TMED3: variants seen among roughly 807,000 people sequenced by gnomAD.
The protein encoded by TMED3 is transmembrane p24 trafficking protein 3, also known as transmembrane emp24 domain-containing protein 3.
In TMED3, 9 loss-of-function variants were observed where a neutral mutation model predicts 15.0. The observed-to-expected ratio is 0.60, with a 90% CI of 0.36 to 1.04. The LOEUF is 1.04. TMED3 is among the 50% of genes least tolerant of loss of function. The pLI is 0.01. For missense variants in TMED3, 267 were observed against 278.9 expected (o/e 0.96, Z 0.30); for synonymous variants, 117 against 121.4 (o/e 0.96, Z 0.24).
At chr15:79,312,691 A>C (rs2058721046) in intron 1 of TMED3, among the ~76,000 whole-genome samples, 1 of 152,174 alleles carries the variant, frequency 6.6e-6, no homozygotes, top group Admixed American at 6.5e-5. Flanking sequence ...TGTTACAAGG[A>C]GAGTTTGAAC....
In TMED3 at chr15:79,311,201, G is replaced by C; in HGVS notation, c.-49G>C. ...TCGGTAGTCGTCGCCCCAGCCCGCC[G>C]GGGGCGCAGCGCCCGAGCCGCGGCC... On this transcript the variant is annotated 5_prime_UTR_variant, in exon 1 of 3. Transcript: ENST00000299705. 1 of 1,540,856 alleles carries C rather than the reference G, an allele frequency of 6.5e-7. No individual in the cohort carries two copies. Among genetic ancestry groups the C allele is most frequent in the Non-Finnish European group, 8.7e-7 (1 of 1,150,128 alleles).
At chr15:79,399,730 T>C (rs984023750) in intron 2 of TMED3, among the ~76,000 whole-genome samples, 14 of 152,320 alleles carry the variant, frequency 9.2e-5, no homozygotes, top group Middle Eastern at 3.4e-3. Flanking sequence ...GATTCATTAC[T>C]CAAATGCCAA....
chr15:79,320,766 C>T (rs774549978), intron 2 of TMED3, among the ~76,000 whole-genome samples: 1 of 152,192 alleles, frequency 6.6e-6, no homozygotes, highest in African/African-American at 2.4e-5. Flanking sequence ...AACATAGTGT[C>T]TTAATGCAAT....
intron 2 of TMED3, chr15:79,382,946 C>T: frequency 6.5e-7 from 1 of 1,535,196 alleles, no homozygotes; most frequent in Non-Finnish European, 8.7e-7. Flanking sequence ...AGGGCATAAA[C>T]ACGATTTATT....
In TMED3 at chr15:79,372,969, C is replaced by T. The variant is rs202016019; in HGVS notation, c.418-38431C>T. On this transcript the variant is annotated intron_variant, in intron 2 of 2. Transcript: ENST00000424155. ...TGTTTGTCTGATCAGCTTTAAATAA[C>T]GGATCCACAATTTTTTGATTTATCT... Among the ~76,000 whole-genome samples, 26 of 152,302 alleles carry T rather than the reference C, an allele frequency of 1.7e-4. No homozygotes were observed. The East Asian group carries it at 3.7e-3, about 21-fold the overall frequency.
chr15:79,338,888 C>T (rs892850368), intron 2 of TMED3, among the ~76,000 whole-genome samples: 47 of 152,256 alleles, frequency 3.1e-4, no homozygotes, highest in African/African-American at 1.1e-3. Context: ...AAAACACCCA[C>T]TACTAAGCAG....
In TMED3 at chr15:79,322,602, C is replaced by G. The variant is rs1156275561; in HGVS notation, c.*388C>G. 9.8e-7 allele frequency: 1 copy of G among 1,019,082 alleles called. No individual in the cohort carries two copies. The highest frequency in any genetic ancestry group is 1.7e-5 in the African/African-American group (1 of 58,234). 63.1% of individuals were successfully genotyped at this position (1,019,082 alleles called of 1,614,324 possible). Reference sequence around the variant, plus strand: ...GCATGGGTCATTTGTCTTGGGTGTCCTATCCCATATGGAGAAGAAAGGGGC... The same window carrying G: ...GCATGGGTCATTTGTCTTGGGTGTCGTATCCCATATGGAGAAGAAAGGGGC... On this transcript the variant is annotated 3_prime_UTR_variant, in exon 3 of 3. Coordinates refer to ENST00000299705, the MANE Select transcript of TMED3 (RefSeq NM_007364.4).
intron 2 of TMED3, among the ~76,000 whole-genome samples, chr15:79,394,057 C>T (rs953453089): frequency 2.6e-5 from 4 of 152,100 alleles, no homozygotes; most frequent in South Asian, 4.1e-4. Flanking sequence ...ATGTAGGCCT[C>T]ATTCTGAGGG....
chr15:79,320,962 A>G (rs2058763903), intron 2 of TMED3, among the ~76,000 whole-genome samples: 1 of 152,120 alleles, frequency 6.6e-6, no homozygotes, highest in African/African-American at 2.4e-5. Flanking sequence ...TGGTTGTAGG[A>G]CTGAGGTCCC....
At chr15:79,323,023 G>T (rs904143386), downstream of TMED3, 1 of 469,366 alleles carries the variant, frequency 2.1e-6, no homozygotes, top group Non-Finnish European at 2.8e-6. Flanking sequence ...AACAAAATAG[G>T]AAGTCTCCTC....
chr15:79,383,075 C>T (rs1042381601), intron 2 of TMED3: 82 of 1,508,278 alleles, frequency 5.4e-5, no homozygotes, highest in South Asian at 3.5e-4. Flanking sequence ...GCATGCTCCA[C>T]GGGACATGGC....
intron 2 of TMED3, among the ~76,000 whole-genome samples, chr15:79,317,383 A>G (rs1487183712): frequency 6.6e-6 from 1 of 152,140 alleles, no homozygotes; most frequent in African/African-American, 2.4e-5. Context: ...TCCTGGGAGA[A>G]GGCTGGAGAT....
intron 2 of TMED3, among the ~76,000 whole-genome samples, chr15:79,409,454 A>G (rs998413607): frequency 1.3e-5 from 2 of 152,140 alleles, no homozygotes; most frequent in African/African-American, 4.8e-5. Context: ...GCAAGGGAGG[A>G]CCCGTATTCC....
chr15:79,311,307 C>A lies in TMED3; in HGVS notation c.58C>A (p.Arg20=), dbSNP rs767474715. Reference sequence around the variant, plus strand: ...GCTGCTTCTGCTGCTGCTCCTGCGCCGGGCCGAGCAGCCCTGCGGGGCCGA... The same window carrying A: ...GCTGCTTCTGCTGCTGCTCCTGCGCAGGGCCGAGCAGCCCTGCGGGGCCGA... ...SVLLLLLLLR[R]AEQPCGAELT... is the part of the protein sequence containing the mutation. The change falls in exon 1 of 3, where the codon CGG becomes AGG. Residue 20 remains arginine, a synonymous_variant. Transcript: ENST00000299705. The A allele has an allele frequency of 5.6e-6, 9 of 1,606,762 alleles. No individual in the cohort carries two copies. The highest frequency in any genetic ancestry group is 7.6e-6 in the Non-Finnish European group (9 of 1,177,570).
intron 2 of TMED3, among the ~76,000 whole-genome samples, chr15:79,376,711 G>T (rs1436469942): frequency 6.6e-6 from 1 of 152,152 alleles, no homozygotes; most frequent in East Asian, 1.9e-4. Flanking sequence ...TTAACATTGG[G>T]TTACTATCCA....
At chr15:79,313,357 G>A (rs1302742019) in intron 1 of TMED3, among the ~76,000 whole-genome samples, 1 of 152,094 alleles carries the variant, frequency 6.6e-6, no homozygotes, top group African/African-American at 2.4e-5. Flanking sequence ...TAGTGCAATA[G>A]GTAAATGTTT....
chr15:79,357,736 T>C (rs1157145692), intron 2 of TMED3, among the ~76,000 whole-genome samples: 1 of 152,002 alleles, frequency 6.6e-6, no homozygotes, highest in Non-Finnish European at 1.5e-5. Context: ...GCAAAGGCAG[T>C]TGGAAGAACA....
chr15:79,360,555 T>C (rs1180251350), intron 2 of TMED3, among the ~76,000 whole-genome samples: 2 of 152,240 alleles, frequency 1.3e-5, no homozygotes, highest in Non-Finnish European at 2.9e-5. Context: ...TACTCATGTA[T>C]TCCTTACAAC....
In TMED3 at chr15:79,395,744, T is replaced by C. The variant is rs185247443; in HGVS notation, c.418-15656T>C. On this transcript the variant is annotated intron_variant, in intron 2 of 2. Coordinates refer to the TMED3 transcript ENST00000424155. ...TTTCATTATTGTTTCGTCTATTTCA[T>C]ATCTCACACTTATGTTTAAATACAC... is the stretch of plus-strand genomic sequence containing the variant. Among the ~76,000 whole-genome samples, 333 of 152,358 alleles carry C rather than the reference T, an allele frequency of 2.2e-3. 1 individual carries two copies. Among genetic ancestry groups the C allele is most frequent in the Non-Finnish European group, 4.1e-3 (280 of 68,036 alleles).
Sources: allele counts gnomAD v4.1 joint callset (sites outside exome capture counted in the v4.1 genomes callset), GRCh38; gene constraint gnomAD v4.1.1; transcripts MANE v1.5; gene names NCBI Gene and HGNC (gene_info 2026-07-23, HGNC 2026-07-21).